Variants in CNN3 observed in about 807,000 individuals in gnomAD.
The protein encoded by CNN3 is calponin 3, also known as calponin-3.
CNN3 carries 11 observed loss-of-function variants against 39.0 expected under a neutral mutation model. The ratio of observed to expected loss-of-function variants is 0.28; its 90% confidence interval spans 0.18 to 0.47. CNN3 has a LOEUF of 0.47. Among genes scored for constraint, CNN3 ranks in the 20% least tolerant of loss-of-function variants. CNN3 has a pLI of 0.99. For missense variants in CNN3, 266 were observed against 403.4 expected (o/e 0.66, Z 2.92); for synonymous variants, 101 against 138.3 (o/e 0.73, Z 1.89).
Position 94,927,001 on chromosome 1 carries a change from T to TCC in CNN3, c.-109_-108dup. On this transcript the variant is annotated 5_prime_UTR_variant, in exon 1 of 7. Coordinates refer to ENST00000370206, the MANE Select transcript of CNN3 (RefSeq NM_001839.5). The stretch of plus-strand genomic sequence containing the variant: ...TGGCCGCCGCGGGGGATGCTCGAAC[T>TCC]CCCTCCTCTGGGAGGCGCAGGAGAC... 7.8e-7 allele frequency: 1 copy of TCC among 1,282,244 alleles called. No individual in the cohort carries two copies. Among genetic ancestry groups the TCC allele is most frequent in the Non-Finnish European group, 1.1e-6 (1 of 915,298 alleles). The allele number at this position is 1,282,244 out of a possible 1,614,324, so 79.4% of individuals were successfully genotyped here.
At chr1:94,922,368 G>A (rs1426502904) in intron 1 of CNN3, among the ~76,000 whole-genome samples, 1 of 152,100 alleles carries the variant, frequency 6.6e-6, no homozygotes, top group Non-Finnish European at 1.5e-5. Flanking sequence ...TCTAGAGATA[G>A]CAAAATCTAT....
chr1:94,925,569 A>G (rs1164316222), intron 1 of CNN3: 2 of 974,078 alleles, frequency 2.1e-6, no homozygotes, highest in Non-Finnish European at 2.4e-6. Flanking sequence ...TGATGTGCAG[A>G]CTAACAGCGG....
chr1:94,903,717 G>A (rs571628015), intron 1 of CNN3, among the ~76,000 whole-genome samples, 193 bp from the exon 2 acceptor site: 2 of 152,226 alleles, frequency 1.3e-5, no homozygotes, highest in Admixed American at 6.5e-5. Flanking sequence ...GGTGAAGACC[G>A]TGTCATACAA....
At chr1:94,917,948 C>T (rs909060611) in intron 1 of CNN3, among the ~76,000 whole-genome samples, 1 of 152,170 alleles carries the variant, frequency 6.6e-6, no homozygotes, top group Non-Finnish European at 1.5e-5. Flanking sequence ...AGATCTGACT[C>T]CAAGTCTAAG....
At chr1:94,903,603 C>T (rs1670924224) in intron 1 of CNN3, 79 bp from the exon 2 acceptor site, 3 of 1,576,582 alleles carry the variant, frequency 1.9e-6, no homozygotes, top group Middle Eastern at 1.7e-4. Context: ...GCTCTGCTTT[C>T]ACTAGCCATT....
intron 5 of CNN3, 35 bp from the exon 6 acceptor site, chr1:94,899,552 A>G: frequency 6.2e-7 from 1 of 1,604,820 alleles, no homozygotes; most frequent in East Asian, 2.2e-5. Context: ...ACAAATTATC[A>G]GATGTCAACA....
chr1:94,907,727 G>A (rs183364192), intron 1 of CNN3, among the ~76,000 whole-genome samples: 6 of 152,290 alleles, frequency 3.9e-5, no homozygotes, highest in South Asian at 2.1e-4. Flanking sequence ...GGGTGTGGTG[G>A]CGGGCGCCTG....
intron 1 of CNN3, among the ~76,000 whole-genome samples, chr1:94,913,121 A>T (rs950506955): frequency 6.6e-6 from 1 of 152,214 alleles, no homozygotes; most frequent in African/African-American, 2.4e-5. Flanking sequence ...ATATATGTCA[A>T]ATCCTGCCCC....
chr1:94,918,391 G>C (rs974337773), intron 1 of CNN3, among the ~76,000 whole-genome samples: 1 of 151,526 alleles, frequency 6.6e-6, no homozygotes, highest in Non-Finnish European at 1.5e-5. Context: ...CTATTCAGGA[G>C]GCTGAGGCAG....
chr1:94,910,115 C>T (rs1402107911), intron 1 of CNN3, among the ~76,000 whole-genome samples: 1 of 152,176 alleles, frequency 6.6e-6, no homozygotes, highest in Non-Finnish European at 1.5e-5. Context: ...TGTGGCTCCC[C>T]GTTTTGAGCC....
intron 1 of CNN3, among the ~76,000 whole-genome samples, chr1:94,917,332 C>T (rs1671311307): frequency 1.3e-5 from 2 of 152,208 alleles, no homozygotes; most frequent in African/African-American, 4.8e-5. Flanking sequence ...GCCACTGTGC[C>T]TGGCCAAGCT....
Position 94,926,979 on chromosome 1 carries a change from C to A in CNN3, c.-85G>T. ...CCCCGCTCCTGGCCCCGAGGAGTGG[C>A]CGCCGCGGGGGATGCTCGAACTCCC... On this transcript the variant is annotated 5_prime_UTR_variant, in exon 1 of 7. Transcript: ENST00000370206. The surrounding 1 kb of genome is among the most constrained non-coding windows in gnomAD (Gnocchi z 4.2). The A allele has an allele frequency of 7.0e-7, 1 of 1,434,280 alleles. No homozygotes were observed. Among genetic ancestry groups the A allele is most frequent in the South Asian group, 1.2e-5 (1 of 81,104 alleles). The allele number at this position is 1,434,280 out of a possible 1,614,324, so 88.8% of individuals were successfully genotyped here. A position where few individuals can be genotyped will look rare whatever the true frequency, so the allele number is the denominator to read the frequency against.
chr1:94,906,197 G>A (rs185869719), intron 1 of CNN3, among the ~76,000 whole-genome samples: 1 of 151,038 alleles, frequency 6.6e-6, no homozygotes, highest in Non-Finnish European at 1.5e-5. Flanking sequence ...TGGCCAGCCT[G>A]GTCTCGAACT....
chr1:94,917,075 T>C (rs1257244212), intron 1 of CNN3, among the ~76,000 whole-genome samples: 2 of 152,288 alleles, frequency 1.3e-5, no homozygotes, highest in East Asian at 3.9e-4. Flanking sequence ...TCGCTCTTGT[T>C]GCACAGGCTG....
intron 1 of CNN3, among the ~76,000 whole-genome samples, chr1:94,904,859 G>GAGAT (rs1262041897): frequency 6.6e-6 from 1 of 152,206 alleles, no homozygotes; most frequent in Non-Finnish European, 1.5e-5. Context: ...AAATGCTCAG[G>GAGAT]AGATAGAGAT....
In CNN3 at chr1:94,926,377, G is replaced by A. The variant is rs1671580399; in HGVS notation, c.57+461C>T. On this transcript the variant is annotated intron_variant, in intron 1 of 6. Coordinates refer to ENST00000370206, the MANE Select transcript of CNN3 (RefSeq NM_001839.5). The surrounding 1 kb of genome is among the most constrained non-coding windows in gnomAD (Gnocchi z 4.2). ...TAGGCGGTCTCTCTCCCCGTGGGGA[G>A]GCGCGGAGTCCGCCAGCACCCGGGG... is the stretch of plus-strand genomic sequence containing the variant. 6.6e-6 allele frequency among the ~76,000 whole-genome samples: 1 copy of A among 152,202 alleles called. No homozygotes were observed. Among genetic ancestry groups the A allele is most frequent in the South Asian group, 2.1e-4 (1 of 4,832 alleles).
intron 1 of CNN3, among the ~76,000 whole-genome samples, chr1:94,914,495 T>C (rs1213182391): frequency 6.6e-6 from 1 of 152,158 alleles, no homozygotes; most frequent in African/African-American, 2.4e-5. Flanking sequence ...CATGCTCCCA[T>C]CTGCCAACCC....
chr1:94,926,713 G>T lies in CNN3; in HGVS notation c.57+125C>A. 1.8e-6 allele frequency: 2 copies of T among 1,093,278 alleles called. No individual in the cohort carries two copies. Among genetic ancestry groups the T allele is most frequent in the Non-Finnish European group, 2.7e-6 (2 of 744,784 alleles). The allele number at this position is 1,093,278 out of a possible 1,614,324, so 67.7% of individuals were successfully genotyped here. A position where few individuals can be genotyped will look rare whatever the true frequency, so the allele number is the denominator to read the frequency against. On this transcript the variant is annotated intron_variant, in intron 1 of 6. Coordinates refer to ENST00000370206, the MANE Select transcript of CNN3 (RefSeq NM_001839.5). This position sits in a 1 kb window ranked among gnomAD's most constrained non-coding sequence, Gnocchi z 4.2. The stretch of plus-strand genomic sequence containing the variant: ...CGGGACAGGCAGAGACGCTCGCGCC[G>T]CCTCGACGGCCCCTCTCCAGGAAAA...
intron 1 of CNN3, among the ~76,000 whole-genome samples, chr1:94,906,136 C>T (rs1421986244): frequency 6.6e-6 from 1 of 152,140 alleles, no homozygotes; most frequent in African/African-American, 2.4e-5. Flanking sequence ...TCACACACCA[C>T]CACGCCACGC....
Sources: gnomAD v4.1 joint callset for allele counts (sites outside exome capture counted in the v4.1 genomes callset) on GRCh38, gnomAD v4.1.1 for gene constraint, Gnocchi (gnomAD v3.1) non-coding constraint, MANE v1.5 for transcripts, NCBI Gene and HGNC (gene_info 2026-07-23, HGNC 2026-07-21) for gene names.